TMEM245: variants seen among roughly 807,000 people sequenced by gnomAD.
TMEM245 encodes the protein transmembrane protein 245.
Under a neutral mutation model 101.2 loss-of-function variants are expected in TMEM245, and 69 were observed. The ratio of observed to expected loss-of-function variants is 0.68; its 90% CI spans 0.56 to 0.83. TMEM245 has a LOEUF of 0.83. TMEM245 is among the 40% of genes least tolerant of loss of function. The pLI, the probability that TMEM245 is intolerant of heterozygous loss-of-function variation, is 0.00. For missense variants in TMEM245, 1,075 were observed against 1,092.8 expected (o/e 0.98, Z 0.23); for synonymous variants, 537 against 449.8 (o/e 1.19, Z -2.45).
At chr9:109,104,356 A>G (rs1210871768) in intron 3 of TMEM245, among the ~76,000 whole-genome samples, 1 of 152,174 alleles carries the variant, frequency 6.6e-6, no homozygotes, top group Non-Finnish European at 1.5e-5. Context: ...AAATTAAAAA[A>G]AACACTAAAA....
chr9:109,105,984 G>A (rs551432592), intron 3 of TMEM245, among the ~76,000 whole-genome samples: 63 of 152,260 alleles, frequency 4.1e-4, no homozygotes, highest in Non-Finnish European at 7.5e-4. Flanking sequence ...ATATTGGCCA[G>A]GCTGGTCTCG....
In TMEM245 at chr9:109,033,392, A is replaced by C; in HGVS notation, c.2509T>G (p.Ser837Ala). Residue 837 changes from serine to alanine, a missense_variant, in exon 17 of 18, where the codon TCC becomes GCC. By Grantham distance (99) the Ser-to-Ala change is moderately conservative (BLOSUM62 1). Transcript: ENST00000374586. ...PILLCILVVA[S>A]NIYSAMLVSP... Reference sequence around the variant, plus strand: ...ACTAGCATGGCACTATAGATATTGGAAGCAACCACAAGTATGCAGAGAAGA... The same window carrying C: ...ACTAGCATGGCACTATAGATATTGGCAGCAACCACAAGTATGCAGAGAAGA... 2 of 1,614,158 alleles carry C rather than the reference A, an allele frequency of 1.2e-6. No individual in the cohort carries two copies. The highest frequency in any genetic ancestry group is 1.7e-6 in the Non-Finnish European group (2 of 1,180,016).
chr9:109,076,289 C>G (rs1829496332), intron 8 of TMEM245, among the ~76,000 whole-genome samples: 2 of 150,860 alleles, frequency 1.3e-5, no homozygotes, highest in Admixed American at 1.3e-4. Flanking sequence ...GACAAAAAAC[C>G]AAACACCACA....
At chr9:109,077,474 CTTA>C (rs999141391) in intron 8 of TMEM245, among the ~76,000 whole-genome samples, 14 of 152,138 alleles carry the variant, frequency 9.2e-5, no homozygotes, top group Non-Finnish European at 4.4e-5. Context: ...TCTAAATATC[CTTA>C]TTATTTTCTA....
At chr9:109,115,046 G>A (rs1830677292) in intron 1 of TMEM245, among the ~76,000 whole-genome samples, 2 of 152,070 alleles carry the variant, frequency 1.3e-5, no homozygotes, top group African/African-American at 2.4e-5. Context: ...AACTAGTGAC[G>A]AAGAAAAACA....
intron 3 of TMEM245, among the ~76,000 whole-genome samples, chr9:109,100,542 G>T (rs965096947): frequency 6.6e-6 from 1 of 151,880 alleles, no homozygotes; most frequent in Non-Finnish European, 1.5e-5. Context: ...TAGAGACAGG[G>T]TCTCACTATC....
At chr9:109,116,054 T>A (rs1422388774) in intron 1 of TMEM245, among the ~76,000 whole-genome samples, 1 of 152,144 alleles carries the variant, frequency 6.6e-6, no homozygotes, top group Non-Finnish European at 1.5e-5. Context: ...ATAACACCCA[T>A]GTAAAAGAAC....
chr9:109,119,606 C>T lies in TMEM245; in HGVS notation c.308G>A (p.Arg103His), dbSNP rs1830847304. 1.9e-6 allele frequency: 3 copies of T among 1,555,880 alleles called. No homozygotes were observed. The highest frequency in any genetic ancestry group is 2.4e-5 in the South Asian group (2 of 84,612). ...FLHPFKSSLT[R>H]LGRHWLQRLH... ...GCGCTGCAGCCAGTGGCGGCCCAGGCGCGTCAGCGAGCTCTTGAAGGGGTG... is the reference window on the plus strand; with the variant it reads ...GCGCTGCAGCCAGTGGCGGCCCAGGTGCGTCAGCGAGCTCTTGAAGGGGTG... The change falls in exon 1 of 18, where the codon CGC (arginine) becomes CAC (histidine). Residue 103 changes from arginine (R) to histidine (H), a missense_variant. By Grantham distance (29) the Arg-to-His change is conservative. Around this residue, in one of 2 missense-constraint regions of TMEM245, gnomAD observed 808 missense variants for 741.5 expected, o/e 1.09. Transcript: ENST00000374586.
chr9:109,061,898 A>T (rs1829025657), intron 10 of TMEM245, among the ~76,000 whole-genome samples: 1 of 151,590 alleles, frequency 6.6e-6, no homozygotes, highest in Non-Finnish European at 1.5e-5. Flanking sequence ...GTCATGAGTA[A>T]CACTGCAATG....
intron 17 of TMEM245, among the ~76,000 whole-genome samples, chr9:109,023,709 G>A (rs928323847): frequency 2.6e-5 from 4 of 151,988 alleles, no homozygotes; most frequent in Non-Finnish European, 5.9e-5. Flanking sequence ...GGTCGCGGGC[G>A]CCTGTAGTCC....
rs2132255041 is a variant in TMEM245, at chr9:109,018,572, G to C, written c.*1888C>G. The C allele has an allele frequency of 6.6e-6, 1 of 152,208 alleles. No individual in the cohort carries two copies. The highest frequency in any genetic ancestry group is 2.1e-4 in the South Asian group (1 of 4,826). The allele number at this position is 152,208 out of a possible 1,614,324, so 9.4% of individuals were successfully genotyped here. ...CATATAGTCAAAAGATCTCATGGTA[G>C]CCTTTTCTAAATGAAATTTTTCTTA... On this transcript the variant is annotated 3_prime_UTR_variant, in exon 18 of 18. Coordinates refer to ENST00000374586, the MANE Select transcript of TMEM245 (RefSeq NM_032012.4).
At chr9:109,029,036 G>A (rs1028408722) in intron 17 of TMEM245, among the ~76,000 whole-genome samples, 12 of 152,124 alleles carry the variant, frequency 7.9e-5, no homozygotes, top group South Asian at 2.1e-4. Context: ...AAACCTGTAC[G>A]CTAAAAAGGT....
At chr9:109,060,124 G>A (rs538619838) in intron 11 of TMEM245, among the ~76,000 whole-genome samples, 74 of 152,290 alleles carry the variant, frequency 4.9e-4, no homozygotes, top group Middle Eastern at 6.8e-3. Flanking sequence ...TGAGATGTCC[G>A]TGACAACAGA....
At chr9:109,059,695 T>A (rs1182479712) in intron 11 of TMEM245, among the ~76,000 whole-genome samples, 1 of 151,744 alleles carries the variant, frequency 6.6e-6, no homozygotes, top group East Asian at 1.9e-4. Context: ...AAAAAATAAA[T>A]AAATAAATAA....
At chr9:109,074,861 C>G (rs950974399) in intron 8 of TMEM245, among the ~76,000 whole-genome samples, 1 of 151,970 alleles carries the variant, frequency 6.6e-6, no homozygotes, top group African/African-American at 2.4e-5. Flanking sequence ...TGCACCAAGA[C>G]GGGGAAAACA....
intron 10 of TMEM245, among the ~76,000 whole-genome samples, chr9:109,061,489 C>T (rs1464178422): frequency 6.6e-6 from 1 of 152,138 alleles, no homozygotes; most frequent in Non-Finnish European, 1.5e-5. Context: ...CATCACTAAC[C>T]TTCATCTTTA....
intron 3 of TMEM245, among the ~76,000 whole-genome samples, chr9:109,095,890 A>T (rs2132592338): frequency 6.6e-6 from 1 of 152,304 alleles, no homozygotes; most frequent in Non-Finnish European, 1.5e-5. Flanking sequence ...GCTTGTCTGG[A>T]GAAAAAGAGA....
chr9:109,102,535 C>T (rs1830305942), intron 3 of TMEM245, among the ~76,000 whole-genome samples: 2 of 152,152 alleles, frequency 1.3e-5, no homozygotes, highest in Non-Finnish European at 2.9e-5. Flanking sequence ...TAAGTGTATT[C>T]ATTGACACAG....
At chr9:109,087,863 T>A (rs1045816711) in intron 5 of TMEM245, among the ~76,000 whole-genome samples, 11 of 152,222 alleles carry the variant, frequency 7.2e-5, no homozygotes, top group African/African-American at 2.7e-4. Context: ...TATTTCCCCA[T>A]TTGATGCTGC....
Sources: allele counts gnomAD v4.1 joint callset (sites outside exome capture counted in the v4.1 genomes callset), GRCh38; gene constraint gnomAD v4.1.1; regional missense constraint gnomAD v4.1.1; transcripts MANE v1.5; gene names NCBI Gene and HGNC (gene_info 2026-07-23, HGNC 2026-07-21).